The following SHC3 variants were observed in gnomAD, a reference collection of about 807,000 sequenced individuals.
The protein encoded by SHC3 is SHC-transforming protein 3.
Under a neutral mutation model 60.4 loss-of-function variants are expected in SHC3, and 15 were observed. That is an observed-to-expected ratio of 0.25 (90% confidence interval 0.17 to 0.38). SHC3 has a LOEUF of 0.38. Ranked by LOEUF, SHC3 falls within the 10% of genes least tolerant of loss-of-function variation. SHC3 has a pLI of 1.00. For missense variants in SHC3, 677 were observed against 786.1 expected (o/e 0.86, Z 1.66); for synonymous variants, 294 against 325.9 (o/e 0.90, Z 1.05).
In SHC3 at chr9:89,048,557, G is replaced by A. The variant is rs547444843; in HGVS notation, c.963-1563C>T. Among the ~76,000 whole-genome samples the A allele has an allele frequency of 1.6e-4, 24 of 152,242 alleles. No individual in the cohort carries two copies. In the South Asian group the frequency reaches 4.6e-3, roughly 29 times the overall value. On this transcript the variant is annotated intron_variant, in intron 7 of 11. Transcript: ENST00000375835. ...TGCTGATGAGTATAGAGTTTCTTTGGGGGGTAATGAAAACGTTCTGGAATT... is the reference window on the plus strand; with the variant it reads ...TGCTGATGAGTATAGAGTTTCTTTGAGGGGTAATGAAAACGTTCTGGAATT...
intron 1 of SHC3, among the ~76,000 whole-genome samples, chr9:89,137,489 G>A (rs1246056779): frequency 1.3e-5 from 2 of 152,074 alleles, no homozygotes; most frequent in Non-Finnish European, 2.9e-5. Flanking sequence ...AATTGTGGCA[G>A]ACAGACTTTG....
At chr9:89,126,234 A>G (rs1256545406) in intron 1 of SHC3, among the ~76,000 whole-genome samples, 2 of 152,126 alleles carry the variant, frequency 1.3e-5, no homozygotes, top group African/African-American at 4.8e-5. Flanking sequence ...GACTCTCCTA[A>G]AACAAAGTGG....
In SHC3 at chr9:89,038,224, C is replaced by G; in HGVS notation, c.1425G>C (p.Val475=). Residue 475 remains valine (V), a synonymous_variant, in exon 11 of 12, where the codon GTG becomes GTC. Transcript: ENST00000375835. Reference sequence around the variant, plus strand: ...TAGGTGACACAGGGCTGATGCACTCCACGGAGGCTGCCTTGCTTAACACGG... The same window carrying G: ...TAGGTGACACAGGGCTGATGCACTCGACGGAGGCTGCCTTGCTTAACACGG... ...LGPVLSKAAS[V]ECISPVSPRA... is the part of the protein sequence containing the mutation. 1.9e-6 allele frequency: 3 copies of G among 1,614,018 alleles called. No homozygotes were observed. The highest frequency in any genetic ancestry group is 2.5e-6 in the Non-Finnish European group (3 of 1,180,018).
chr9:89,036,003 T>C (rs1326814281), intron 11 of SHC3, among the ~76,000 whole-genome samples: 2 of 151,724 alleles, frequency 1.3e-5, no homozygotes, highest in Non-Finnish European at 2.9e-5. Flanking sequence ...TCAAATCCAG[T>C]ATATTTGTGA....
At chr9:89,033,009 AC>A (rs1824516043) in intron 11 of SHC3, among the ~76,000 whole-genome samples, 1 of 147,420 alleles carries the variant, frequency 6.8e-6, no homozygotes. Context: ...ATTAGATCCA[AC>A]AAAAAAGCCC....
At chr9:89,078,631 T>G (rs1825399414) in intron 2 of SHC3, among the ~76,000 whole-genome samples, 1 of 150,928 alleles carries the variant, frequency 6.6e-6, no homozygotes, top group Non-Finnish European at 1.5e-5. Context: ...CCCCAGAGGG[T>G]GAGGAAGCAA....
intron 1 of SHC3, among the ~76,000 whole-genome samples, chr9:89,169,937 G>A (rs1290909366): frequency 2.6e-5 from 4 of 152,192 alleles, no homozygotes; most frequent in Non-Finnish European, 5.9e-5. Context: ...TGCAAGCGGA[G>A]GAGGTGGAGA....
intron 6 of SHC3, among the ~76,000 whole-genome samples, chr9:89,058,764 GAGGATGTGATAT>G: frequency 1.4e-5 from 2 of 145,320 alleles, no homozygotes; most frequent in East Asian, 2.2e-4. Flanking sequence ...GATGGTGGTG[GAGGATGTGATAT>G]AGGATGTGGT....
intron 2 of SHC3, among the ~76,000 whole-genome samples, chr9:89,091,541 A>G (rs1825621529): frequency 6.6e-6 from 1 of 152,266 alleles, no homozygotes; most frequent in Admixed American, 6.5e-5. Context: ...GAGATTGTCA[A>G]GACAGGAAAA....
At chr9:89,107,476 G>C (rs1377535227) in intron 2 of SHC3, among the ~76,000 whole-genome samples, 1 of 152,232 alleles carries the variant, frequency 6.6e-6, no homozygotes, top group African/African-American at 2.4e-5. Flanking sequence ...CAGAAGTGAA[G>C]TGGAGGCATC....
chr9:89,022,728 A>C (rs955551979), intron 11 of SHC3, among the ~76,000 whole-genome samples: 5 of 152,150 alleles, frequency 3.3e-5, no homozygotes, highest in African/African-American at 1.2e-4. Flanking sequence ...AAATCATGAA[A>C]GCCTCCCATA....
intron 1 of SHC3, among the ~76,000 whole-genome samples, chr9:89,166,269 C>T (rs981406924): frequency 2.0e-5 from 3 of 152,300 alleles, no homozygotes; most frequent in East Asian, 1.9e-4. Flanking sequence ...TTCTCTCCTC[C>T]GTCTCCCCAA....
chr9:89,170,726 T>C (rs1302458709), intron 1 of SHC3, among the ~76,000 whole-genome samples: 2 of 152,118 alleles, frequency 1.3e-5, no homozygotes, highest in African/African-American at 2.4e-5. Context: ...TTTAAATACA[T>C]GATAAAAATA....
intron 2 of SHC3, among the ~76,000 whole-genome samples, chr9:89,085,250 T>A (rs943306098): frequency 1.3e-5 from 2 of 152,196 alleles, no homozygotes; most frequent in East Asian, 3.9e-4. Context: ...CAAGTCTCCA[T>A]CACAGCGTCT....
At chr9:89,142,288 G>A (rs750100265) in intron 1 of SHC3, among the ~76,000 whole-genome samples, 2 of 152,126 alleles carry the variant, frequency 1.3e-5, no homozygotes, top group Non-Finnish European at 2.9e-5. Context: ...GGCTGGGTGC[G>A]ATGGCTTGCA....
chr9:89,110,034 TA>T, intron 2 of SHC3: 2 of 985,438 alleles, frequency 2.0e-6, no homozygotes, highest in Non-Finnish European at 2.4e-6. Context: ...ACATGAGTGA[TA>T]AATTTCTCCT....
intron 1 of SHC3, among the ~76,000 whole-genome samples, chr9:89,166,989 C>T (rs1826798904): frequency 6.6e-6 from 1 of 152,234 alleles, no homozygotes; most frequent in African/African-American, 2.4e-5. Context: ...CTCTTCCCGT[C>T]TCCCAGTGGC....
Position 89,059,756 on chromosome 9 carries a change from G to GTGGTGGAGGACAGTGGTGGAGGACA in SHC3, c.835+5772_835+5773insTGTCCTCCACCACTGTCCTCCACCA, listed in dbSNP as rs1825046145. ...GTGGTGGAGGACGTGGTGGAGGATG[G>GTGGTGGAGGACAGTGGTGGAGGACA]TGGTGGAGGATGGTGGTGGAGGATG... On this transcript the variant is annotated intron_variant, in intron 6 of 11. Transcript: ENST00000375835. Among the ~76,000 whole-genome samples, 7 of 12,500 alleles carry GTGGTGGAGGACAGTGGTGGAGGACA rather than the reference G, an allele frequency of 5.6e-4. 1 individual carries two copies. Among genetic ancestry groups the GTGGTGGAGGACAGTGGTGGAGGACA allele is most frequent in the Admixed American group, 9.0e-4 (1 of 1,114 alleles). The allele number at this position is 12,500 out of a possible 152,430, so 8.2% of individuals were successfully genotyped here. A position where few individuals can be genotyped will look rare whatever the true frequency, so the allele number is the denominator to read the frequency against.
intron 2 of SHC3, among the ~76,000 whole-genome samples, chr9:89,105,035 A>G (rs1825837678): frequency 6.6e-6 from 1 of 152,102 alleles, no homozygotes. Flanking sequence ...CCCTTCTTAC[A>G]TGCACTTGCC....
Sources: allele counts gnomAD v4.1 joint callset (sites outside exome capture counted in the v4.1 genomes callset), GRCh38; gene constraint gnomAD v4.1.1; transcripts MANE v1.5; gene names NCBI Gene and HGNC (gene_info 2026-07-23, HGNC 2026-07-21).